ELAPOR2: variants seen among roughly 807,000 people sequenced by gnomAD.
ELAPOR2 encodes endosome/lysosome-associated apoptosis and autophagy regulator family member 2.
A neutral mutation model predicts 120.7 loss-of-function variants in ELAPOR2; 89 were observed. The observed-to-expected ratio is 0.74, with a 90% CI of 0.62 to 0.88. The LOEUF is 0.88. ELAPOR2 is among the 40% of genes least tolerant of loss of function. The pLI, the probability that ELAPOR2 is intolerant of heterozygous loss-of-function variation, is 0.00. For synonymous variants in ELAPOR2, 444 were observed against 444.9 expected (o/e 1.00, Z 0.03); for missense variants, 1,134 against 1,251.6 (o/e 0.91, Z 1.42).
chr7:86,959,539 TG>T (rs1395311047), intron 2 of ELAPOR2, among the ~76,000 whole-genome samples: 1 of 152,222 alleles, frequency 6.6e-6, no homozygotes, highest in Non-Finnish European at 1.5e-5. Flanking sequence ...AAAAGAGTAT[TG>T]AATTTTGTCA....
At chr7:87,010,542 A>G (rs1793622220) in intron 1 of ELAPOR2, among the ~76,000 whole-genome samples, 1 of 152,184 alleles carries the variant, frequency 6.6e-6, no homozygotes, top group Non-Finnish European at 1.5e-5. Context: ...AAGAATTTCT[A>G]TTGTTTTTTA....
At chr7:86,936,720 G>A (rs545286071) in intron 8 of ELAPOR2, among the ~76,000 whole-genome samples, 6 of 152,122 alleles carry the variant, frequency 3.9e-5, no homozygotes, top group African/African-American at 9.6e-5. Flanking sequence ...GCATATGTGC[G>A]TATTCTGCAT....
chr7:86,980,441 A>AT lies in ELAPOR2; in HGVS notation c.190-15418dup, dbSNP rs149747662. The stretch of plus-strand genomic sequence containing the variant: ...CTTCAGCACTTCCTATCTCAGCTGG[A>AT]TCCCCACCCGCTTTCTGCAGTCTTT... On this transcript the variant is annotated intron_variant, in intron 1 of 21. Coordinates refer to ENST00000450689, the MANE Select transcript of ELAPOR2 (RefSeq NM_001142749.3). 3.1e-3 allele frequency among the ~76,000 whole-genome samples: 469 copies of AT among 152,250 alleles called. 1 individual carries two copies. The highest frequency in any genetic ancestry group is 0.011 in the African/African-American group (442 of 41,556).
At chr7:87,057,190 G>C (rs1029727045) in intron 1 of ELAPOR2, among the ~76,000 whole-genome samples, 2 of 152,214 alleles carry the variant, frequency 1.3e-5, no homozygotes, top group African/African-American at 4.8e-5. Flanking sequence ...AAAGGGCTGA[G>C]CTCAAGAGGA....
chr7:87,009,660 C>A (rs1161276048), intron 1 of ELAPOR2, among the ~76,000 whole-genome samples: 1 of 152,070 alleles, frequency 6.6e-6, no homozygotes, highest in African/African-American at 2.4e-5. Flanking sequence ...AGATCTGCAC[C>A]AAAAGGAAGC....
intron 1 of ELAPOR2, among the ~76,000 whole-genome samples, chr7:87,023,239 G>T (rs1794122372): frequency 6.6e-6 from 1 of 152,142 alleles, no homozygotes; most frequent in African/African-American, 2.4e-5. Context: ...ATTAACTTTT[G>T]TATAAGGTGT....
chr7:87,046,989 A>G (rs1794976141), intron 1 of ELAPOR2, among the ~76,000 whole-genome samples: 1 of 152,240 alleles, frequency 6.6e-6, no homozygotes, highest in Non-Finnish European at 1.5e-5. Flanking sequence ...AAAAACAGAC[A>G]CATAGACCAA....
chr7:87,050,183 T>G (rs577492906), intron 1 of ELAPOR2, among the ~76,000 whole-genome samples: 4 of 152,224 alleles, frequency 2.6e-5, no homozygotes, highest in African/African-American at 9.6e-5. Flanking sequence ...TAATAAGAGG[T>G]GACATTAGAG....
At chr7:87,057,742 A>T (rs1419725002) in intron 1 of ELAPOR2, among the ~76,000 whole-genome samples, 4 of 152,218 alleles carry the variant, frequency 2.6e-5, no homozygotes, top group Admixed American at 2.6e-4. Flanking sequence ...CTAAAAGATT[A>T]GTCTAGTTGT....
At chr7:86,978,888 T>TTTTTTTG (rs1792367494) in intron 1 of ELAPOR2, among the ~76,000 whole-genome samples, 2 of 152,204 alleles carry the variant, frequency 1.3e-5, no homozygotes, top group South Asian at 4.1e-4. Context: ...TAACTGTATA[T>TTTTTTTG]TTTTTTGTTT....
intron 2 of ELAPOR2, among the ~76,000 whole-genome samples, chr7:86,952,864 G>A (rs1360866035): frequency 1.3e-5 from 2 of 152,136 alleles, no homozygotes; most frequent in Non-Finnish European, 2.9e-5. Context: ...GGAGGCTGAG[G>A]CAGGCAGACT....
intron 8 of ELAPOR2, among the ~76,000 whole-genome samples, chr7:86,936,149 A>T (rs1790552727): frequency 6.6e-6 from 1 of 152,024 alleles, no homozygotes; most frequent in Admixed American, 6.6e-5. Flanking sequence ...ACAACCCGAG[A>T]AACATCATTA....
intron 10 of ELAPOR2, among the ~76,000 whole-genome samples, chr7:86,924,667 T>A (rs1385782173): frequency 6.6e-6 from 1 of 152,034 alleles, no homozygotes; most frequent in Non-Finnish European, 1.5e-5. Context: ...CTTTCACTCA[T>A]CTGTTTAACA....
Position 87,054,424 on chromosome 7 carries a change from C to T in ELAPOR2, c.189+4901G>A, listed in dbSNP as rs143453968. Among the ~76,000 whole-genome samples the T allele has an allele frequency of 2.6e-5, 4 of 152,270 alleles. No individual in the cohort carries two copies. The East Asian group carries it at 7.7e-4, about 29-fold the overall frequency. On this transcript the variant is annotated intron_variant, in intron 1 of 21. Coordinates refer to ENST00000450689, the MANE Select transcript of ELAPOR2 (RefSeq NM_001142749.3). ...CTAAAACATGAGAAATGATTCTAAG[C>T]ATAAGAACTGGAAATGGAAAATTCA...
chr7:86,891,038 C>T (rs1788133393), intron 21 of ELAPOR2, among the ~76,000 whole-genome samples: 1 of 151,938 alleles, frequency 6.6e-6, no homozygotes, highest in Non-Finnish European at 1.5e-5. Flanking sequence ...AATAAAATGT[C>T]TTTTCAAACA....
chr7:87,014,535 A>G (rs922596951), intron 1 of ELAPOR2, among the ~76,000 whole-genome samples: 1 of 152,340 alleles, frequency 6.6e-6, no homozygotes, highest in Middle Eastern at 3.4e-3. Flanking sequence ...AAGAACACCT[A>G]TGTCAACACC....
chr7:86,963,359 C>T (rs1362109644), intron 2 of ELAPOR2, among the ~76,000 whole-genome samples: 1 of 152,094 alleles, frequency 6.6e-6, no homozygotes, highest in Non-Finnish European at 1.5e-5. Flanking sequence ...ATTTTTGACC[C>T]CTAGCCAACA....
intron 1 of ELAPOR2, among the ~76,000 whole-genome samples, chr7:87,051,940 A>G (rs972419267): frequency 2.0e-5 from 3 of 152,254 alleles, no homozygotes; most frequent in African/African-American, 7.2e-5. Context: ...TATCACCAGC[A>G]TCTTGCATAA....
At chr7:86,963,846 G>A (rs1257150040) in intron 2 of ELAPOR2, among the ~76,000 whole-genome samples, 1 of 152,148 alleles carries the variant, frequency 6.6e-6, no homozygotes, top group South Asian at 2.1e-4. Flanking sequence ...TGTCTCTTAA[G>A]ACTGTTGCTA....
Sources: allele counts gnomAD v4.1 joint callset (sites outside exome capture counted in the v4.1 genomes callset), GRCh38; gene constraint gnomAD v4.1.1; transcripts MANE v1.5; gene names NCBI Gene and HGNC (gene_info 2026-07-23, HGNC 2026-07-21).